KIF17: variants seen among roughly 807,000 people sequenced by gnomAD.
KIF17 encodes the protein kinesin-like protein KIF17.
Under a neutral mutation model 96.8 loss-of-function variants are expected in KIF17, and 80 were observed. The ratio of observed to expected loss-of-function variants is 0.83; its 90% confidence interval spans 0.69 to 1.00. The LOEUF (loss-of-function observed/expected upper bound fraction) is 1.00. KIF17 is among the 50% of genes least tolerant of loss of function. The pLI is 0.00. For missense variants in KIF17, 1,280 were observed against 1,372.9 expected (o/e 0.93, Z 1.07); for synonymous variants, 567 against 587.5 (o/e 0.97, Z 0.51).
intron 1 of KIF17, 102 bp from the exon 2 acceptor site, chr1:20,715,741 C>T: frequency 2.2e-6 from 3 of 1,379,992 alleles, no homozygotes; most frequent in South Asian, 1.2e-5. Context: ...TCCTGGTCCC[C>T]CCACCAACAA....
chr1:20,663,030 C>T (rs2053463435), downstream of KIF17, among the ~76,000 whole-genome samples: 1 of 151,982 alleles, frequency 6.6e-6, no homozygotes, highest in African/African-American at 2.4e-5. Context: ...GAGTTCGTGA[C>T]CAGCCTGGCC....
At chr1:20,679,001 C>G (rs1237606532) in intron 11 of KIF17, among the ~76,000 whole-genome samples, 18 of 86,590 alleles carry the variant, frequency 2.1e-4, no homozygotes, top group Non-Finnish European at 3.4e-4. Flanking sequence ...TCTTCCTTGG[C>G]AAAAAAAAAA....
rs551418861 is a variant in KIF17 at position 20,704,709 on chromosome 1, G to A, written c.861C>T (p.Tyr287=). 13 of 1,613,904 alleles carry A rather than the reference G, an allele frequency of 8.1e-6. No individual in the cohort carries two copies. In the South Asian group the frequency reaches 9.9e-5, roughly 12 times the overall value. Residue 287 remains tyrosine, a synonymous_variant, in exon 5 of 15, where the codon TAC becomes TAT. Transcript: ENST00000400463. The surrounding 1 kb of genome is among the most constrained non-coding windows in gnomAD (Gnocchi z 6.8). ...GCAGCCGCGTCAGCTTCGAGTCACGGTAGGGGACGTGCTTACAGCGCCCGT... is the reference window on the plus strand; with the variant it reads ...GCAGCCGCGTCAGCTTCGAGTCACGATAGGGGACGTGCTTACAGCGCCCGT... The part of the protein sequence containing the change: ...LVDGRCKHVP[Y]RDSKLTRLLQ...
At chr1:20,673,337 G>A (rs1009847575) in intron 11 of KIF17, among the ~76,000 whole-genome samples, 16 of 152,286 alleles carry the variant, frequency 1.1e-4, no homozygotes, top group Admixed American at 9.8e-4. Context: ...AGAGAGGCTG[G>A]TGCACAGGGG....
At chr1:20,713,367 G>T in intron 3 of KIF17, 87 bp downstream of exon 3, 2 of 995,778 alleles carry the variant, frequency 2.0e-6, no homozygotes, top group South Asian at 2.6e-5. Flanking sequence ...GCACCCTCAG[G>T]ACACTTTCCC....
At position 20,709,302 on chromosome 1, in the gene KIF17, G is replaced by T. The variant is rs554982427; in HGVS notation, c.670+337C>A. On this transcript the variant is annotated intron_variant, in intron 4 of 14. Coordinates refer to ENST00000400463, the MANE Select transcript of KIF17 (RefSeq NM_001122819.3). The surrounding 1 kb of genome is among the most constrained non-coding windows in gnomAD (Gnocchi z 4.7). ...AGGCTGAGGTGGGAGGCTCGCCCGA[G>T]CCTGGGAGGCAGAGGTTGCAGTGAG... Among the ~76,000 whole-genome samples the T allele has an allele frequency of 6.6e-6, 1 of 152,114 alleles. No individual in the cohort carries two copies. The highest frequency in any genetic ancestry group is 1.5e-5 in the Non-Finnish European group (1 of 68,024).
At position 20,704,956 on chromosome 1, in the gene KIF17, G is replaced by A. The variant is rs2054317486; in HGVS notation, c.671-57C>T. On this transcript the variant is annotated intron_variant, in intron 4 of 14. Transcript: ENST00000400463. The surrounding 1 kb of genome is among the most constrained non-coding windows in gnomAD (Gnocchi z 6.8). Reference sequence around the variant, plus strand: ...CTCGGGTGAGCCCTATGTATCGAGGGCAATCAGTGCCAGGCACTGGGTGCT... The same window carrying A: ...CTCGGGTGAGCCCTATGTATCGAGGACAATCAGTGCCAGGCACTGGGTGCT... The A allele has an allele frequency of 1.3e-6, 2 of 1,493,678 alleles. No homozygotes were observed. The highest frequency in any genetic ancestry group is 2.7e-5 in the African/African-American group (2 of 72,746). 92.5% of individuals were successfully genotyped at this position (1,493,678 alleles called of 1,614,324 possible). A position where few individuals can be genotyped will look rare whatever the true frequency, so the allele number is the denominator to read the frequency against.
At position 20,704,326 on chromosome 1, in the gene KIF17, G is replaced by A; in HGVS notation, c.1123+121C>T. ...GGGCCCTGCGCTCACATGGGGCTGA[G>A]GGGTGGGAGGATGCTGCTCCCACTG... On this transcript the variant is annotated intron_variant, in intron 5 of 14. Coordinates refer to ENST00000400463, the MANE Select transcript of KIF17 (RefSeq NM_001122819.3). This position sits in a 1 kb window ranked among gnomAD's most constrained non-coding sequence, Gnocchi z 6.8. 1.2e-6 allele frequency: 1 copy of A among 818,550 alleles called. No individual in the cohort carries two copies. The highest frequency in any genetic ancestry group is 3.0e-4 in the Middle Eastern group (1 of 3,344). The allele number at this position is 818,550 out of a possible 1,614,324, so 50.7% of individuals were successfully genotyped here. A position where few individuals can be genotyped will look rare whatever the true frequency, so the allele number is the denominator to read the frequency against.
In KIF17 at chr1:20,717,693, G is replaced by A. The variant is rs757530650; in HGVS notation, c.14C>T (p.Ala5Val). MASE[A>V]VKVVVRCRPM... ...ACGGCAGCGCACGACAACCTTCACC[G>A]CCTCGGAGGCCATGGCGCCGCGCCC... The change falls in exon 1 of 15, where the codon GCG becomes GTG. Residue 5 changes from alanine to valine, a missense_variant. Transcript: ENST00000400463. The A allele has an allele frequency of 3.8e-6, 6 of 1,592,474 alleles. No homozygotes were observed. The African/African-American group carries it at 4.0e-5, about 11-fold the overall frequency.
chr1:20,716,241 C>CAAAAAAAAA (rs71585780), intron 1 of KIF17, among the ~76,000 whole-genome samples: 1 of 111,772 alleles, frequency 8.9e-6, no homozygotes, highest in Non-Finnish European at 1.8e-5. Flanking sequence ...GACTCCGTCT[C>CAAAAAAAAA]AAAAAAAAAA....
chr1:20,665,288 C>G (rs2053507413), intron 14 of KIF17, among the ~76,000 whole-genome samples: 1 of 134,900 alleles, frequency 7.4e-6, no homozygotes, highest in South Asian at 2.4e-4. Flanking sequence ...AGTGCAGTGG[C>G]ACTGTGTCAG....
intron 6 of KIF17, among the ~76,000 whole-genome samples, chr1:20,696,886 CTCCCCAGAGCTACAGGAAGGGACCT>C (rs2054151155): frequency 6.6e-6 from 1 of 152,222 alleles, no homozygotes; most frequent in African/African-American, 2.4e-5. Context: ...CCCCGGGAGC[CTCCCCAGAGCTACAGGAAGGGACCT>C]GACACCCGGG....
chr1:20,703,338 T>C (rs114634703), intron 5 of KIF17, among the ~76,000 whole-genome samples: 3 of 151,748 alleles, frequency 2.0e-5, no homozygotes, highest in Non-Finnish European at 2.9e-5. Context: ...GATGCATGGA[T>C]GGATGACAGA....
At chr1:20,665,165 G>GC (rs1303870842) in intron 14 of KIF17, among the ~76,000 whole-genome samples, 2 of 63,786 alleles carry the variant, frequency 3.1e-5, no homozygotes, top group Non-Finnish European at 5.8e-5. Flanking sequence ...TATTCCCCCC[G>GC]CCCCACCCAT....
At position 20,717,836 on chromosome 1, in the gene KIF17, C is replaced by CGGGG; in HGVS notation, c.-131_-130insCCCC. 1.2e-6 allele frequency: 1 copy of CGGGG among 848,632 alleles called. No homozygotes were observed. Among genetic ancestry groups the CGGGG allele is most frequent in the Admixed American group, 5.8e-5 (1 of 17,154 alleles). The allele number at this position is 848,632 out of a possible 1,614,324, so 52.6% of individuals were successfully genotyped here. A position where few individuals can be genotyped will look rare whatever the true frequency, so the allele number is the denominator to read the frequency against. ...GGGCCTTGAGGCAGGGGCGGGGCCGCGGCGGGGGGCGGGGACCCCTCGGGG... is the reference window on the plus strand; with the variant it reads ...GGGCCTTGAGGCAGGGGCGGGGCCGCGGGGGGCGGGGGGCGGGGACCCCTCGGGG... On this transcript the variant is annotated 5_prime_UTR_variant, in exon 1 of 15. Transcript: ENST00000400463.
chr1:20,705,233 G>T (rs990491632), intron 4 of KIF17, among the ~76,000 whole-genome samples: 6 of 152,210 alleles, frequency 3.9e-5, no homozygotes, highest in Non-Finnish European at 8.8e-5. Context: ...GCTCCCGAAG[G>T]CTTCCTGCAA....
Position 20,687,745 on chromosome 1 carries a change from C to G in KIF17, c.1581G>C (p.Val527=), listed in dbSNP as rs770052336. 2 of 1,614,180 alleles carry G rather than the reference C, an allele frequency of 1.2e-6. No individual in the cohort carries two copies. The highest frequency in any genetic ancestry group is 3.3e-5 in the Admixed American group (2 of 60,018). ...VSSRFAELPK[V]EPSKSEISLG... is the part of the protein sequence containing the mutation. Reference sequence around the variant, plus strand: ...GAGAAATCTCAGATTTGGAGGGTTCCACCTTGGGCAGCTCCGCAAACCTGG... The same window carrying G: ...GAGAAATCTCAGATTTGGAGGGTTCGACCTTGGGCAGCTCCGCAAACCTGG... The change falls in exon 8 of 15, where the codon GTG becomes GTC. Residue 527 remains valine (V), a synonymous_variant. Coordinates refer to ENST00000400463, the MANE Select transcript of KIF17 (RefSeq NM_001122819.3). The surrounding 1 kb of genome is among the most constrained non-coding windows in gnomAD (Gnocchi z 4.4).
At position 20,685,075 on chromosome 1, in the gene KIF17, G is replaced by A. The variant is rs113457722; in HGVS notation, c.2020-55C>T. On this transcript the variant is annotated intron_variant, in intron 9 of 14. Transcript: ENST00000400463. The surrounding 1 kb of genome is among the most constrained non-coding windows in gnomAD (Gnocchi z 4.1). ...TGGGAAGGCCGCCCCAACCCCCGCC[G>A]ACAGCTCCCAGGTGGCTCAATCCCA... is the stretch of plus-strand genomic sequence containing the variant. The A allele has an allele frequency of 1.3e-4, 189 of 1,433,340 alleles. 1 individual carries two copies. The highest frequency in any genetic ancestry group is 5.1e-4 in the Admixed American group (26 of 50,990). 88.8% of individuals were successfully genotyped at this position (1,433,340 alleles called of 1,614,324 possible).
At position 20,685,427 on chromosome 1, in the gene KIF17, T is replaced by G; in HGVS notation, c.2020-407A>C. Reference sequence around the variant, plus strand: ...CCCGCCACCGTGGCCTCCTTTTCCATTGCTAAGAAAGTCAAGGTCTTTCCA... The same window carrying G: ...CCCGCCACCGTGGCCTCCTTTTCCAGTGCTAAGAAAGTCAAGGTCTTTCCA... On this transcript the variant is annotated intron_variant, in intron 9 of 14. Transcript: ENST00000400463. The surrounding 1 kb of genome is among the most constrained non-coding windows in gnomAD (Gnocchi z 4.1). 1 of 383,480 alleles carries G rather than the reference T, an allele frequency of 2.6e-6. No individual in the cohort carries two copies. The highest frequency in any genetic ancestry group is 2.1e-5 in the African/African-American group (1 of 47,838). 23.8% of individuals were successfully genotyped at this position (383,480 alleles called of 1,614,324 possible).
Sources: gnomAD v4.1 joint callset for allele counts (sites outside exome capture counted in the v4.1 genomes callset) on GRCh38, gnomAD v4.1.1 for gene constraint, Gnocchi (gnomAD v3.1) non-coding constraint, MANE v1.5 for transcripts, NCBI Gene and HGNC (gene_info 2026-07-23, HGNC 2026-07-21) for gene names.